Variants in RPH3A observed in about 807,000 individuals in gnomAD.
RPH3A encodes the protein rabphilin 3A.
In RPH3A, 48 loss-of-function variants were observed where a neutral mutation model predicts 102.2. That is an observed-to-expected ratio of 0.47 (90% CI 0.37 to 0.60). The LOEUF is 0.60. Among genes scored for constraint, RPH3A ranks in the 20% least tolerant of loss-of-function variants. The pLI is 0.00. For synonymous variants in RPH3A, 310 were observed against 324.3 expected (o/e 0.96, Z 0.47); for missense variants, 781 against 910.1 (o/e 0.86, Z 1.83).
At chr12:112,790,015 C>T (rs2041080510), upstream of RPH3A, among the ~76,000 whole-genome samples, 1 of 151,850 alleles carries the variant, frequency 6.6e-6, no homozygotes, top group Non-Finnish European at 1.5e-5. Flanking sequence ...GCTATGATTG[C>T]ACCACTGCGC....
In RPH3A at chr12:112,694,675, CACACACACAG is replaced by C. The variant is rs1252571982; in HGVS notation, c.-139-97466_-139-97457del. 5.4e-3 allele frequency among the ~76,000 whole-genome samples: 777 copies of C among 144,128 alleles called. 4 individuals carry two copies. The highest frequency in any genetic ancestry group is 0.017 in the South Asian group (77 of 4,542). The allele number at this position is 144,128 out of a possible 152,430, so 94.6% of individuals were successfully genotyped here. ...GCACACACACACACACACACACACA[CACACACACAG>C]AGAGAGAGAGAGAGAGATTCTGTTT... On this transcript the variant is annotated intron_variant, in intron 1 of 21. Coordinates refer to the RPH3A transcript ENST00000543106.
intron 1 of RPH3A, among the ~76,000 whole-genome samples, chr12:112,687,669 CT>C (rs1158848831): frequency 1.4e-4 from 21 of 152,330 alleles, no homozygotes; most frequent in African/African-American, 4.6e-4. Flanking sequence ...TGTCCATTCC[CT>C]GCTCCTGCTG....
intron 1 of RPH3A, among the ~76,000 whole-genome samples, chr12:112,747,052 A>G (rs1267253903): frequency 6.6e-6 from 1 of 151,960 alleles, no homozygotes; most frequent in Non-Finnish European, 1.5e-5. Context: ...GTCACCTTAT[A>G]TTTTGAGAAT....
chr12:112,605,097 A>C (rs1218108405), intron 1 of RPH3A, among the ~76,000 whole-genome samples: 1 of 152,174 alleles, frequency 6.6e-6, no homozygotes, highest in East Asian at 1.9e-4. Context: ...CACTCAGGAC[A>C]GGTGCAGTGG....
rs1185171171 is a variant in RPH3A, at chr12:112,621,255, G to A, written c.-140+45936G>A. 5.3e-5 allele frequency among the ~76,000 whole-genome samples: 8 copies of A among 151,952 alleles called. No homozygotes were observed. In the East Asian group the frequency reaches 1.2e-3, roughly 22 times the overall value. The stretch of plus-strand genomic sequence containing the variant: ...CCGGTCTACAGCTCCCAGCGTGAGC[G>A]ACGCAGAAGACGGGTGATTTCTGCA... On this transcript the variant is annotated intron_variant, in intron 1 of 21. Coordinates refer to the RPH3A transcript ENST00000543106.
At chr12:112,789,275 T>A (rs2041072456), upstream of RPH3A, among the ~76,000 whole-genome samples, 1 of 152,272 alleles carries the variant, frequency 6.6e-6, no homozygotes. Context: ...ACTCTGCTAC[T>A]TCCTAGCTCT....
chr12:112,648,826 T>C (rs2039953736), intron 1 of RPH3A, among the ~76,000 whole-genome samples: 2 of 151,852 alleles, frequency 1.3e-5, no homozygotes, highest in Non-Finnish European at 2.9e-5. Context: ...AATTTATTTA[T>C]TTATTTATTT....
chr12:112,895,742 G>A (rs1286663702), intron 20 of RPH3A, 35 bp from the exon 21 acceptor site: 4 of 1,468,416 alleles, frequency 2.7e-6, no homozygotes, highest in Non-Finnish European at 3.8e-6. Flanking sequence ...GGTTCAGAGG[G>A]CTCTTACCCA....
chr12:112,751,498 C>A (rs182006566), intron 1 of RPH3A, among the ~76,000 whole-genome samples: 105 of 152,224 alleles, frequency 6.9e-4, no homozygotes, highest in African/African-American at 2.4e-3. Context: ...GAGTGTGAGG[C>A]CTGGCATGAA....
intron 1 of RPH3A, among the ~76,000 whole-genome samples, chr12:112,640,831 C>T (rs1249901004): frequency 6.6e-6 from 1 of 152,194 alleles, no homozygotes; most frequent in Non-Finnish European, 1.5e-5. Context: ...CCTCAACGCT[C>T]TAGATTTTTC....
At position 112,639,508 on chromosome 12, in the gene RPH3A, G is replaced by A. The variant is rs187895058; in HGVS notation, c.-140+64189G>A. On this transcript the variant is annotated intron_variant, in intron 1 of 21. Transcript: ENST00000543106. ...TGGGGCCTGTCGGGGGAGAGGTGAC[G>A]GGAGGAAGAGCATCAGGAAGAATAG... Among the ~76,000 whole-genome samples, 661 of 152,238 alleles carry A rather than the reference G, an allele frequency of 4.3e-3. 2 individuals carry two copies. The highest frequency in any genetic ancestry group is 7.7e-3 in the Non-Finnish European group (526 of 68,024).
intron 14 of RPH3A, among the ~76,000 whole-genome samples, chr12:112,879,484 T>A (rs1300942846): frequency 2.0e-5 from 3 of 152,180 alleles, no homozygotes; most frequent in African/African-American, 7.2e-5. Flanking sequence ...GCCAGCAGTG[T>A]CTCTGGAGGG....
chr12:112,862,875 A>G (rs1197160208), intron 5 of RPH3A, among the ~76,000 whole-genome samples: 1 of 152,214 alleles, frequency 6.6e-6, no homozygotes, highest in East Asian at 1.9e-4. Flanking sequence ...CCTGCCAGGC[A>G]GGGCTACCAG....
chr12:112,659,613 T>C (rs2040036028), intron 1 of RPH3A, among the ~76,000 whole-genome samples: 1 of 152,204 alleles, frequency 6.6e-6, no homozygotes, highest in African/African-American at 2.4e-5. Flanking sequence ...GTTATCCTTT[T>C]CCTTTTTATA....
chr12:112,811,536 C>A (rs1056641640), intron 2 of RPH3A, among the ~76,000 whole-genome samples: 31 of 149,618 alleles, frequency 2.1e-4, no homozygotes, highest in Non-Finnish European at 3.6e-4. Context: ...GAACCCCCCC[C>A]CCAAAAAAAA....
intron 1 of RPH3A, among the ~76,000 whole-genome samples, chr12:112,711,196 A>G (rs1448130226): frequency 6.6e-6 from 1 of 152,170 alleles, no homozygotes; most frequent in African/African-American, 2.4e-5. Context: ...TCTTAGGCTC[A>G]TTCCTGGACC....
At chr12:112,657,503 T>C (rs1430757813) in intron 1 of RPH3A, among the ~76,000 whole-genome samples, 3 of 152,200 alleles carry the variant, frequency 2.0e-5, no homozygotes, top group African/African-American at 7.2e-5. Context: ...ATACAACTGA[T>C]GGCATAATAA....
chr12:112,872,173 G>T (rs930469559), intron 10 of RPH3A, among the ~76,000 whole-genome samples: 2 of 152,118 alleles, frequency 1.3e-5, no homozygotes, highest in Non-Finnish European at 2.9e-5. Flanking sequence ...ATGCAAAAGG[G>T]TTCTCATTTC....
chr12:112,620,722 C>T (rs564638477), intron 1 of RPH3A, among the ~76,000 whole-genome samples: 1 of 152,204 alleles, frequency 6.6e-6, no homozygotes, highest in South Asian at 2.1e-4. Context: ...CGACACAGAC[C>T]CTGCTCCTTC....
Sources: gnomAD v4.1 joint callset for allele counts (sites outside exome capture counted in the v4.1 genomes callset) on GRCh38, gnomAD v4.1.1 for gene constraint, MANE v1.5 for transcripts, NCBI Gene and HGNC (gene_info 2026-07-23, HGNC 2026-07-21) for gene names.